Variants in SLC16A10 observed in about 807,000 individuals in gnomAD.
The protein encoded by SLC16A10 is solute carrier family 16 member 10.
A neutral mutation model predicts 40.0 loss-of-function variants in SLC16A10; 27 were observed. That is an observed-to-expected ratio of 0.67 (90% confidence interval 0.50 to 0.93). The LOEUF (loss-of-function observed/expected upper bound fraction) is 0.93, where lower values mean the gene tolerates loss of function less well. Among genes scored for constraint, SLC16A10 ranks in the 40% least tolerant of loss-of-function variants. The pLI is 0.00. For synonymous variants in SLC16A10, 213 were observed against 249.8 expected (o/e 0.85, Z 1.39); for missense variants, 529 against 658.2 (o/e 0.80, Z 2.15).
At chr6:111,130,208 C>G (rs1262003763) in intron 1 of SLC16A10, among the ~76,000 whole-genome samples, 1 of 152,208 alleles carries the variant, frequency 6.6e-6, no homozygotes, top group Non-Finnish European at 1.5e-5. Context: ...AGTACTGTAG[C>G]ATGTATAGTC....
At chr6:111,177,754 C>A in intron 3 of SLC16A10, 89 bp downstream of exon 3, 1 of 1,196,796 alleles carries the variant, frequency 8.4e-7, no homozygotes. Flanking sequence ...TTAAAGTTGG[C>A]CTCAAACATT....
At chr6:111,144,419 G>C (rs932565194) in intron 1 of SLC16A10, among the ~76,000 whole-genome samples, 5 of 152,134 alleles carry the variant, frequency 3.3e-5, no homozygotes, top group African/African-American at 1.2e-4. Context: ...TAGCCAGGAT[G>C]GTCTCGATCT....
At chr6:111,213,130 C>G (rs748451366) in intron 4 of SLC16A10, among the ~76,000 whole-genome samples, 2 of 152,118 alleles carry the variant, frequency 1.3e-5, no homozygotes, top group Non-Finnish European at 2.9e-5. Flanking sequence ...ATTTAGATCA[C>G]TTTTCCATTG....
rs1770997365 is a variant in SLC16A10 at position 111,226,462 on chromosome 6, T to C, written c.*4227T>C. On this transcript the variant is annotated 3_prime_UTR_variant, in exon 6 of 6. Coordinates refer to ENST00000368851, the MANE Select transcript of SLC16A10 (RefSeq NM_018593.5). ...GCTAATTAGCTCCAATTTTATAATA[T>C]GTAAACAATTTAAACAAGTATTTAA... 1 of 152,200 alleles carries C rather than the reference T, an allele frequency of 6.6e-6. No individual in the cohort carries two copies. The highest frequency in any genetic ancestry group is 1.5e-5 in the Non-Finnish European group (1 of 68,042). The allele number at this position is 152,200 out of a possible 1,614,324, so 9.4% of individuals were successfully genotyped here. A position where few individuals can be genotyped will look rare whatever the true frequency, so the allele number is the denominator to read the frequency against.
rs532387278 is a variant in SLC16A10, at chr6:111,088,189, C to T, written c.343+94C>T. 139 of 1,288,090 alleles carry T rather than the reference C, an allele frequency of 1.1e-4. 1 individual carries two copies. In the South Asian group the frequency reaches 1.7e-3, roughly 15 times the overall value. The allele number at this position is 1,288,090 out of a possible 1,614,324, so 79.8% of individuals were successfully genotyped here. The stretch of plus-strand genomic sequence containing the variant: ...TGGGCTGTGTCTGCCTCCGAGTGTG[C>T]ATGTCGGTGGGTCCCTGTGCCAGAG... On this transcript the variant is annotated intron_variant, in intron 1 of 5. Transcript: ENST00000368851.
chr6:111,094,146 T>G (rs889934868), intron 1 of SLC16A10, among the ~76,000 whole-genome samples: 2 of 152,250 alleles, frequency 1.3e-5, no homozygotes, highest in Non-Finnish European at 2.9e-5. Context: ...GAATAAATTG[T>G]ACTCTGCTTT....
At chr6:111,221,171 C>CT (rs1770881589) in intron 5 of SLC16A10, among the ~76,000 whole-genome samples, 3 of 152,060 alleles carry the variant, frequency 2.0e-5, no homozygotes, top group Non-Finnish European at 4.4e-5. Context: ...TTTAAAAACA[C>CT]TAAGATAACT....
At chr6:111,168,104 C>A (rs571804380) in intron 1 of SLC16A10, among the ~76,000 whole-genome samples, 2 of 151,980 alleles carry the variant, frequency 1.3e-5, no homozygotes, top group Non-Finnish European at 2.9e-5. Flanking sequence ...CTCAGCCTCC[C>A]GAATAGCTGG....
At chr6:111,161,113 C>G (rs1772362006) in intron 1 of SLC16A10, among the ~76,000 whole-genome samples, 1 of 143,514 alleles carries the variant, frequency 7.0e-6, no homozygotes, top group African/African-American at 2.6e-5. Flanking sequence ...GTCCCAACTA[C>G]TTGGTAGACT....
rs186636730 is a variant in SLC16A10 at position 111,210,683 on chromosome 6, T to A, written c.1086+3948T>A. Among the ~76,000 whole-genome samples, 14 of 152,114 alleles carry A rather than the reference T, an allele frequency of 9.2e-5. No individual in the cohort carries two copies. The East Asian group carries it at 2.5e-3, about 27-fold the overall frequency. ...GTGGCATGGGAAGGGACTGGAAAGT[T>A]AGAGTGGGTCAGATTAGACAGAGCC... On this transcript the variant is annotated intron_variant, in intron 4 of 5. Coordinates refer to ENST00000368851, the MANE Select transcript of SLC16A10 (RefSeq NM_018593.5).
chr6:111,163,332 T>G (rs987584633), intron 1 of SLC16A10, among the ~76,000 whole-genome samples: 1 of 151,194 alleles, frequency 6.6e-6, no homozygotes, highest in Non-Finnish European at 1.5e-5. Context: ...TTTTGTATTT[T>G]TAGTAGAGAC....
intron 4 of SLC16A10, among the ~76,000 whole-genome samples, chr6:111,211,517 G>A (rs1773345715): frequency 1.3e-5 from 2 of 152,206 alleles, no homozygotes; most frequent in Admixed American, 1.3e-4. Flanking sequence ...GCATCCAAAT[G>A]TAGAGCATCG....
chr6:111,180,087 A>C (rs1772761696), intron 3 of SLC16A10, among the ~76,000 whole-genome samples: 1 of 152,266 alleles, frequency 6.6e-6, no homozygotes, highest in Admixed American at 6.5e-5. Context: ...AGACGTAAAA[A>C]TTTGCTCTGA....
At chr6:111,128,640 T>G (rs764165106) in intron 1 of SLC16A10, among the ~76,000 whole-genome samples, 1 of 152,106 alleles carries the variant, frequency 6.6e-6, no homozygotes, top group Non-Finnish European at 1.5e-5. Flanking sequence ...AAGGAAGGCT[T>G]TTTATTGAGG....
intron 4 of SLC16A10, among the ~76,000 whole-genome samples, chr6:111,210,270 CTG>C (rs1773323879): frequency 2.0e-5 from 3 of 152,148 alleles, no homozygotes; most frequent in Non-Finnish European, 4.4e-5. Context: ...GGCTACCTCA[CTG>C]TGGGTGTCTG....
At chr6:111,098,280 T>C (rs1456446308) in intron 1 of SLC16A10, among the ~76,000 whole-genome samples, 2 of 152,008 alleles carry the variant, frequency 1.3e-5, no homozygotes, top group Admixed American at 1.3e-4. Flanking sequence ...TACTCCAGCC[T>C]GGGCAACAAG....
At chr6:111,141,806 A>G (rs1391528502) in intron 1 of SLC16A10, among the ~76,000 whole-genome samples, 1 of 152,252 alleles carries the variant, frequency 6.6e-6, no homozygotes, top group Non-Finnish European at 1.5e-5. Context: ...AAAAGAACCA[A>G]ATAAATGGAC....
At chr6:111,183,678 A>C (rs17663278) in intron 3 of SLC16A10, among the ~76,000 whole-genome samples, 15,455 of 152,290 alleles carry the variant, frequency 0.1, 1,037 homozygotes, top group Middle Eastern at 0.17. Flanking sequence ...AAACTAAGGA[A>C]ACCTCGGAAT....
intron 3 of SLC16A10, among the ~76,000 whole-genome samples, chr6:111,204,586 C>A (rs1348343400): frequency 6.6e-6 from 1 of 152,160 alleles, no homozygotes; most frequent in Non-Finnish European, 1.5e-5. Context: ...TGGATAAGAA[C>A]ATGTTGGCAT....
Sources: allele counts gnomAD v4.1 joint callset (sites outside exome capture counted in the v4.1 genomes callset), GRCh38; gene constraint gnomAD v4.1.1; transcripts MANE v1.5; gene names NCBI Gene and HGNC (gene_info 2026-07-23, HGNC 2026-07-21).